Variants in PCDH7 observed in about 807,000 individuals in gnomAD.
PCDH7 encodes protocadherin 7, also known as protocadherin-7.
A neutral mutation model predicts 58.9 loss-of-function variants in PCDH7; 17 were observed. That is an observed-to-expected ratio of 0.29 (90% confidence interval 0.20 to 0.43). The LOEUF is 0.43. Ranked by LOEUF, PCDH7 falls within the 20% of genes least tolerant of loss-of-function variation. PCDH7 has a pLI of 1.00. For missense variants in PCDH7, 1,274 were observed against 1,441.0 expected (o/e 0.88, Z 1.88); for synonymous variants, 664 against 616.4 (o/e 1.08, Z -1.14).
At chr4:31,103,978 T>C (rs1443422259) in intron 3 of PCDH7, among the ~76,000 whole-genome samples, 1 of 152,190 alleles carries the variant, frequency 6.6e-6, no homozygotes, top group African/African-American at 2.4e-5. Flanking sequence ...ATGCAATTAC[T>C]TATGCTGTTC....
intron 2 of PCDH7, among the ~76,000 whole-genome samples, chr4:30,935,773 T>C (rs537313329): frequency 2.6e-4 from 39 of 152,226 alleles, no homozygotes; most frequent in African/African-American, 9.4e-4. Context: ...TAGGCACCAA[T>C]TCCTAGCCCT....
At chr4:31,047,747 A>T (rs866540684) in intron 3 of PCDH7, among the ~76,000 whole-genome samples, 1 of 152,072 alleles carries the variant, frequency 6.6e-6, no homozygotes, top group African/African-American at 2.4e-5. Context: ...AATTGTGAAG[A>T]TAAGTATAGC....
At chr4:30,739,601 G>A (rs1716805167) in intron 1 of PCDH7, among the ~76,000 whole-genome samples, 1 of 151,992 alleles carries the variant, frequency 6.6e-6, no homozygotes, top group Non-Finnish European at 1.5e-5. Flanking sequence ...TTAGGTCAAG[G>A]ATATTAAAAT....
intron 1 of PCDH7, among the ~76,000 whole-genome samples, chr4:30,874,405 T>C (rs1736017805): frequency 6.6e-6 from 1 of 151,740 alleles, no homozygotes; most frequent in Non-Finnish European, 1.5e-5. Context: ...ATGGATGAAA[T>C]TGGAAATCAT....
At chr4:30,985,781 T>G (rs1353429251) in intron 3 of PCDH7, among the ~76,000 whole-genome samples, 1 of 152,218 alleles carries the variant, frequency 6.6e-6, no homozygotes, top group African/African-American at 2.4e-5. Context: ...TGCACAGGGA[T>G]GTATGGCCCG....
downstream of PCDH7, chr4:31,144,017 G>A (rs1030053000): frequency 6.6e-6 from 1 of 152,116 alleles, no homozygotes; most frequent in African/African-American, 2.4e-5. Context: ...AAGATGCATT[G>A]GCATATAGTC....
chr4:30,769,078 G>A (rs1414370771), intron 1 of PCDH7, among the ~76,000 whole-genome samples: 2 of 152,166 alleles, frequency 1.3e-5, no homozygotes, highest in African/African-American at 4.8e-5. Flanking sequence ...TGTTTTCATA[G>A]CAATTATTGG....
intron 1 of PCDH7, among the ~76,000 whole-genome samples, chr4:30,794,283 A>C (rs570257974): frequency 6.6e-6 from 1 of 152,356 alleles, no homozygotes; most frequent in South Asian, 2.1e-4. Context: ...ACATGCAAAA[A>C]ATAAAACATT....
At chr4:30,861,614 T>G (rs2109354592) in intron 1 of PCDH7, among the ~76,000 whole-genome samples, 1 of 152,316 alleles carries the variant, frequency 6.6e-6, no homozygotes, top group South Asian at 2.1e-4. Flanking sequence ...ATAGTTAAAG[T>G]AATGGGATTA....
intron 3 of PCDH7, among the ~76,000 whole-genome samples, chr4:31,133,401 A>T (rs77470841): frequency 0.021 from 3,188 of 152,316 alleles, 107 homozygotes; most frequent in African/African-American, 0.073. Flanking sequence ...CAAGAAGGAA[A>T]ATTATGAAAG....
intron 1 of PCDH7, among the ~76,000 whole-genome samples, chr4:30,763,217 G>A (rs150242502): frequency 2.2e-4 from 34 of 152,212 alleles, no homozygotes; most frequent in Admixed American, 4.6e-4. Context: ...GTGAAACTCC[G>A]TCTCAAAAAA....
At chr4:30,876,938 A>T (rs1243277504) in intron 1 of PCDH7, among the ~76,000 whole-genome samples, 1 of 151,892 alleles carries the variant, frequency 6.6e-6, no homozygotes, top group Non-Finnish European at 1.5e-5. Flanking sequence ...CCGGTGTGTG[A>T]TGTTCCCCTC....
intron 3 of PCDH7, among the ~76,000 whole-genome samples, chr4:31,071,181 T>A (rs1758515984): frequency 6.6e-6 from 1 of 152,070 alleles, no homozygotes; most frequent in Non-Finnish European, 1.5e-5. Context: ...AGATTCTTTT[T>A]TAAAACTCTC....
intron 1 of PCDH7, among the ~76,000 whole-genome samples, chr4:30,781,860 A>T (rs1407398095): frequency 1.3e-5 from 2 of 152,086 alleles, no homozygotes; most frequent in African/African-American, 4.8e-5. Context: ...TTATGTAGCT[A>T]ATCAGTGGTT....
intron 1 of PCDH7, among the ~76,000 whole-genome samples, chr4:30,726,066 A>T (rs1714569276): frequency 6.6e-6 from 1 of 152,080 alleles, no homozygotes; most frequent in Admixed American, 6.5e-5. Context: ...ATTTTAAACC[A>T]ACATTTGACA....
intron 3 of PCDH7, among the ~76,000 whole-genome samples, chr4:31,017,524 A>G (rs531972530): frequency 4.9e-4 from 74 of 152,286 alleles, no homozygotes; most frequent in African/African-American, 1.8e-3. Context: ...GAAATTAAGT[A>G]GAATAATCTT....
At chr4:31,075,549 A>G (rs1419356077) in intron 3 of PCDH7, among the ~76,000 whole-genome samples, 5 of 152,204 alleles carry the variant, frequency 3.3e-5, no homozygotes, top group South Asian at 2.1e-4. Flanking sequence ...TAAAAGATGC[A>G]CAAGTAATTT....
At chr4:30,813,004 C>T (rs1727210548) in intron 1 of PCDH7, among the ~76,000 whole-genome samples, 1 of 152,274 alleles carries the variant, frequency 6.6e-6, no homozygotes, top group African/African-American at 2.4e-5. Context: ...GATGAGGCAA[C>T]TCAATCAGAA....
chr4:30,988,620 G>T (rs1751196568), intron 3 of PCDH7, among the ~76,000 whole-genome samples: 1 of 152,048 alleles, frequency 6.6e-6, no homozygotes, highest in Admixed American at 6.6e-5. Context: ...AGTTAGTTTT[G>T]TTTAAGACAC....
Sources: allele counts gnomAD v4.1 joint callset (sites outside exome capture counted in the v4.1 genomes callset), GRCh38; gene constraint gnomAD v4.1.1; transcripts MANE v1.5; gene names NCBI Gene and HGNC (gene_info 2026-07-23, HGNC 2026-07-21).